The following CERS6 variants were observed in gnomAD, a reference collection of about 807,000 sequenced individuals.
CERS6 encodes LAG1 homolog, ceramide synthase 6.
A neutral mutation model predicts 56.8 loss-of-function variants in CERS6; 26 were observed. The ratio of observed to expected loss-of-function variants is 0.46; its 90% CI spans 0.34 to 0.63. The LOEUF is 0.63. Ranked by LOEUF, CERS6 falls within the 30% of genes least tolerant of loss-of-function variation. CERS6 has a pLI of 0.01. For synonymous variants in CERS6, 164 were observed against 173.3 expected (o/e 0.95, Z 0.42); for missense variants, 415 against 467.5 (o/e 0.89, Z 1.04).
chr2:168,649,560 A>AT (rs1469061727), intron 4 of CERS6, among the ~76,000 whole-genome samples: 6 of 152,032 alleles, frequency 3.9e-5, no homozygotes, highest in Non-Finnish European at 8.8e-5. Context: ...CTCCTTCTGT[A>AT]TTTTTTTAAC....
At chr2:168,496,534 A>G (rs1558972011) in intron 1 of CERS6, among the ~76,000 whole-genome samples, 2 of 152,168 alleles carry the variant, frequency 1.3e-5, no homozygotes, top group Admixed American at 6.6e-5. Flanking sequence ...AGCACCTGGG[A>G]CACCCGCACA....
Position 168,613,400 on chromosome 2 carries a change from A to G in CERS6, c.408-17585A>G, listed in dbSNP as rs80269409. On this transcript the variant is annotated intron_variant, in intron 3 of 9. Coordinates refer to ENST00000305747, the MANE Select transcript of CERS6 (RefSeq NM_203463.3). ...GGAACCCCAGGTGTCACTGGCATTG[A>G]CAGACCAAGGGTGGTCTGTGCACAA... Among the ~76,000 whole-genome samples the G allele has an allele frequency of 9.4e-3, 1,434 of 152,264 alleles. 13 individuals are homozygous for G. Among genetic ancestry groups the G allele is most frequent in the Middle Eastern group, 0.017 (5 of 294 alleles).
At chr2:168,722,525 T>G (rs1559067565) in intron 8 of CERS6, among the ~76,000 whole-genome samples, 1 of 152,214 alleles carries the variant, frequency 6.6e-6, no homozygotes, top group South Asian at 2.1e-4. Context: ...CCCACACCAT[T>G]TCTCGATTGG....
intron 3 of CERS6, among the ~76,000 whole-genome samples, chr2:168,628,343 C>A (rs1684637597): frequency 6.6e-6 from 1 of 152,158 alleles, no homozygotes; most frequent in African/African-American, 2.4e-5. Flanking sequence ...TAGTAAAAGT[C>A]CTCTTTTAGA....
intron 3 of CERS6, among the ~76,000 whole-genome samples, chr2:168,565,766 G>A (rs1057219138): frequency 7.2e-5 from 11 of 152,180 alleles, no homozygotes; most frequent in Admixed American, 3.3e-4. Context: ...GTCATTCACA[G>A]TCATGTCAGT....
chr2:168,723,058 A>G (rs75195120), intron 8 of CERS6, among the ~76,000 whole-genome samples: 1 of 152,312 alleles, frequency 6.6e-6, no homozygotes, highest in African/African-American at 2.4e-5. Context: ...GAGGATAAAG[A>G]AAGTGGCAAC....
chr2:168,559,574 C>T (rs1263431798), intron 2 of CERS6, among the ~76,000 whole-genome samples: 3 of 151,134 alleles, frequency 2.0e-5, no homozygotes, highest in Non-Finnish European at 4.4e-5. Context: ...TAATCTAATC[C>T]GAGAGGTTCA....
intron 5 of CERS6, among the ~76,000 whole-genome samples, chr2:168,692,990 AT>A (rs1224456910): frequency 2.6e-5 from 4 of 152,178 alleles, no homozygotes; most frequent in Non-Finnish European, 5.9e-5. Context: ...GTCTACTTCA[AT>A]TTTATTAAGG....
chr2:168,518,661 A>G (rs1035545295), intron 1 of CERS6, among the ~76,000 whole-genome samples: 4 of 152,106 alleles, frequency 2.6e-5, no homozygotes, highest in African/African-American at 4.8e-5. Context: ...GTTTCAACCA[A>G]TACCTCTCTG....
At chr2:168,542,975 G>C (rs546906983) in intron 1 of CERS6, among the ~76,000 whole-genome samples, 1 of 152,320 alleles carries the variant, frequency 6.6e-6, no homozygotes, top group South Asian at 2.1e-4. Context: ...GGGATTACAG[G>C]CGTGAGCCAC....
intron 6 of CERS6, among the ~76,000 whole-genome samples, chr2:168,697,101 C>G (rs1574168865): frequency 1.3e-5 from 2 of 152,270 alleles, no homozygotes; most frequent in Non-Finnish European, 2.9e-5. Context: ...TCCCCTGTCC[C>G]CACATATGCT....
intron 1 of CERS6, among the ~76,000 whole-genome samples, chr2:168,463,865 C>T (rs116450169): frequency 0.061 from 9,233 of 152,108 alleles, 619 homozygotes; most frequent in African/African-American, 0.17. Context: ...GCTGAGATCA[C>T]GCCACTGCAC....
intron 1 of CERS6, among the ~76,000 whole-genome samples, chr2:168,507,658 G>A (rs960529620): frequency 6.6e-5 from 10 of 152,060 alleles, no homozygotes; most frequent in African/African-American, 1.9e-4. Flanking sequence ...GGTCTTCCAA[G>A]GTTTTGCCAA....
intron 6 of CERS6, among the ~76,000 whole-genome samples, chr2:168,699,011 G>C (rs1290675653): frequency 6.6e-6 from 1 of 152,156 alleles, no homozygotes; most frequent in Non-Finnish European, 1.5e-5. Flanking sequence ...CCGCTACCAG[G>C]CATGCTTACT....
intron 1 of CERS6, among the ~76,000 whole-genome samples, chr2:168,506,594 A>AC: frequency 6.6e-6 from 1 of 152,298 alleles, no homozygotes; most frequent in South Asian, 2.1e-4. Flanking sequence ...GAAGTTTTTG[A>AC]CAATAGATAT....
intron 3 of CERS6, among the ~76,000 whole-genome samples, chr2:168,617,185 T>G (rs1196675192): frequency 6.6e-6 from 1 of 152,114 alleles, no homozygotes; most frequent in Non-Finnish European, 1.5e-5. Flanking sequence ...TCAAACTGAA[T>G]GACAATAGTG....
chr2:168,749,561 C>T (rs1010757705), intron 8 of CERS6, among the ~76,000 whole-genome samples: 32 of 152,178 alleles, frequency 2.1e-4, no homozygotes, highest in African/African-American at 7.5e-4. Flanking sequence ...GCAACTGTCT[C>T]CTTTTCTGGA....
At chr2:168,715,154 G>T in intron 7 of CERS6, 25 bp downstream of exon 7, 1 of 1,597,136 alleles carries the variant, frequency 6.3e-7, no homozygotes, top group South Asian at 1.1e-5. Flanking sequence ...TCATCTTTAA[G>T]AATACAAAAT....
intron 1 of CERS6, among the ~76,000 whole-genome samples, chr2:168,472,435 C>T (rs1382687483): frequency 6.6e-6 from 1 of 152,126 alleles, no homozygotes; most frequent in Non-Finnish European, 1.5e-5. Context: ...ATAGTAGGTT[C>T]CTTATAGAGG....
Sources: gnomAD v4.1 joint callset for allele counts (sites outside exome capture counted in the v4.1 genomes callset) on GRCh38, gnomAD v4.1.1 for gene constraint, MANE v1.5 for transcripts, NCBI Gene and HGNC (gene_info 2026-07-23, HGNC 2026-07-21) for gene names.